FMNL2: variants seen among roughly 807,000 people sequenced by gnomAD.
FMNL2 encodes formin-like protein 2.
A neutral mutation model predicts 130.2 loss-of-function variants in FMNL2; 51 were observed. That is an observed-to-expected ratio of 0.39 (90% confidence interval 0.31 to 0.49). The LOEUF (loss-of-function observed/expected upper bound fraction) is 0.49, where lower values mean the gene tolerates loss of function less well. FMNL2 is among the 20% of genes least tolerant of loss of function. The pLI, the probability that FMNL2 is intolerant of heterozygous loss-of-function variation, is 0.85. For synonymous variants in FMNL2, 465 were observed against 467.1 expected (o/e 1.00, Z 0.06); for missense variants, 977 against 1,316.2 (o/e 0.74, Z 3.99).
At chr2:152,486,349 C>T (rs1690828478) in intron 1 of FMNL2, among the ~76,000 whole-genome samples, 1 of 152,198 alleles carries the variant, frequency 6.6e-6, no homozygotes, top group African/African-American at 2.4e-5. Context: ...ACGATTCTTT[C>T]AGGAGCTATT....
chr2:152,589,689 A>G (rs1257724677), intron 9 of FMNL2, among the ~76,000 whole-genome samples: 1 of 152,122 alleles, frequency 6.6e-6, no homozygotes, highest in Non-Finnish European at 1.5e-5. Flanking sequence ...AGCTTTGGCA[A>G]TATCACCAAC....
chr2:152,569,100 C>T (rs570889265), intron 6 of FMNL2, among the ~76,000 whole-genome samples: 2 of 117,634 alleles, frequency 1.7e-5, no homozygotes, highest in East Asian at 2.8e-4. Context: ...AGCTTCCCCC[C>T]CCGCCCCAAT....
rs893552027 is a variant in FMNL2 at position 152,335,533 on chromosome 2, G to A, written c.-71G>A. 11 of 1,312,770 alleles carry A rather than the reference G, an allele frequency of 8.4e-6. No homozygotes were observed. Among genetic ancestry groups the A allele is most frequent in the African/African-American group, 1.5e-5 (1 of 64,938 alleles). The allele number at this position is 1,312,770 out of a possible 1,614,324, so 81.3% of individuals were successfully genotyped here. Reference sequence around the variant, plus strand: ...CGCCTGCGGGCGGCAGCCGACCGCCGGGAGCTGTTCTGATTTCCGACGCGC... The same window carrying A: ...CGCCTGCGGGCGGCAGCCGACCGCCAGGAGCTGTTCTGATTTCCGACGCGC... On this transcript the variant is annotated 5_prime_UTR_variant, in exon 1 of 26. Coordinates refer to ENST00000288670, the MANE Select transcript of FMNL2 (RefSeq NM_052905.4).
intron 1 of FMNL2, among the ~76,000 whole-genome samples, chr2:152,418,884 C>T (rs1579618588): frequency 6.6e-6 from 1 of 152,042 alleles, no homozygotes; most frequent in East Asian, 1.9e-4. Flanking sequence ...AAGCATCATA[C>T]TGTTTCCACG....
intron 15 of FMNL2, among the ~76,000 whole-genome samples, 163 bp downstream of exon 15, chr2:152,619,881 C>T (rs74962091): frequency 2.6e-5 from 4 of 152,152 alleles, no homozygotes; most frequent in East Asian, 1.9e-4. Flanking sequence ...AACATCATCA[C>T]GCATGGGAGG....
At chr2:152,421,509 T>C (rs775897908) in intron 1 of FMNL2, among the ~76,000 whole-genome samples, 23 of 152,168 alleles carry the variant, frequency 1.5e-4, no homozygotes, top group Non-Finnish European at 3.2e-4. Context: ...GGGGGAAATA[T>C]AGGAGTGGCT....
At chr2:152,421,394 A>G (rs1294074652) in intron 1 of FMNL2, among the ~76,000 whole-genome samples, 1 of 152,206 alleles carries the variant, frequency 6.6e-6, no homozygotes, top group Non-Finnish European at 1.5e-5. Context: ...TTTCTGGACA[A>G]TTAATAACAT....
At chr2:152,639,134 G>A (rs982033470) in intron 23 of FMNL2, among the ~76,000 whole-genome samples, 3 of 152,118 alleles carry the variant, frequency 2.0e-5, no homozygotes, top group African/African-American at 4.8e-5. Context: ...TGCCCTATAC[G>A]TGATGAATAG....
At chr2:152,644,934 A>G (rs7576847) in intron 25 of FMNL2, among the ~76,000 whole-genome samples, 51,716 of 152,142 alleles carry the variant, frequency 0.34, 10,040 homozygotes, top group East Asian at 0.71. Context: ...ATTAGAAAAG[A>G]GACAAGGGAA....
chr2:152,624,039 C>A (rs548514917), intron 15 of FMNL2, among the ~76,000 whole-genome samples: 57 of 33,486 alleles, frequency 1.7e-3, no homozygotes, highest in African/African-American at 7.2e-3. Flanking sequence ...ACAATTCCTT[C>A]CCTTCCCTCC....
rs1462652696 is a variant in FMNL2 at position 152,617,083 on chromosome 2, T to C, written c.1213-8T>C. 1 of 1,613,584 alleles carries C rather than the reference T, an allele frequency of 6.2e-7. No individual in the cohort carries two copies. Among genetic ancestry groups the C allele is most frequent in the Non-Finnish European group, 8.5e-7 (1 of 1,179,638 alleles). ...TATTGTGACAGCTTTCTTTTCAAAA[T>C]TTTACAGTTATCTGAAAAACTGCAA... On this transcript the variant is annotated splice_region_variant and splice_polypyrimidine_tract_variant and intron_variant, in intron 12 of 25. Coordinates refer to ENST00000288670, the MANE Select transcript of FMNL2 (RefSeq NM_052905.4).
At chr2:152,440,642 G>A (rs1688002939) in intron 1 of FMNL2, among the ~76,000 whole-genome samples, 1 of 152,182 alleles carries the variant, frequency 6.6e-6, no homozygotes, top group African/African-American at 2.4e-5. Flanking sequence ...GTGAGTAACT[G>A]TGGTTAAAAA....
chr2:152,416,424 A>G (rs1442724996), intron 1 of FMNL2, among the ~76,000 whole-genome samples: 1 of 152,212 alleles, frequency 6.6e-6, no homozygotes, highest in Admixed American at 6.5e-5. Context: ...AGCTTTTATG[A>G]AGAATGAACT....
At chr2:152,432,979 C>A (rs142048964) in intron 1 of FMNL2, among the ~76,000 whole-genome samples, 1 of 152,186 alleles carries the variant, frequency 6.6e-6, no homozygotes, top group Admixed American at 6.5e-5. Context: ...CAGGCAGACC[C>A]GGGCTTGAGT....
rs1346084182 is a variant in FMNL2, at chr2:152,593,890, TGTGTGTGTGTGTGAGAGAGAGA to T, written c.876+12843_876+12864del. 1.4e-3 allele frequency among the ~76,000 whole-genome samples: 161 copies of T among 112,520 alleles called. 1 individual carries two copies. The highest frequency in any genetic ancestry group is 4.9e-3 in the African/African-American group (156 of 31,822). The allele number at this position is 112,520 out of a possible 152,430, so 73.8% of individuals were successfully genotyped here. A position where few individuals can be genotyped will look rare whatever the true frequency, so the allele number is the denominator to read the frequency against. ...GTGTGTGTGTGTGTGTGTGTGTGTGTGTGTGTGTGTGTGAGAGAGAGAGAGAGAGAGAGAGAGCGAGAGAGAG... is the reference window on the plus strand; with the variant it reads ...GTGTGTGTGTGTGTGTGTGTGTGTGTGAGAGAGAGAGAGAGCGAGAGAGAG... On this transcript the variant is annotated intron_variant, in intron 9 of 25. Coordinates refer to ENST00000288670, the MANE Select transcript of FMNL2 (RefSeq NM_052905.4).
chr2:152,636,734 G>A (rs572855353), intron 22 of FMNL2, 144 bp downstream of exon 22: 24 of 1,017,006 alleles, frequency 2.4e-5, no homozygotes, highest in Admixed American at 5.7e-5. Flanking sequence ...TATTTATTAC[G>A]GGGGGACCAT....
At chr2:152,487,400 A>G (rs145571621) in intron 1 of FMNL2, among the ~76,000 whole-genome samples, 4 of 152,350 alleles carry the variant, frequency 2.6e-5, no homozygotes, top group African/African-American at 9.6e-5. Flanking sequence ...CTTTAATTCC[A>G]TCTAAAAGAT....
chr2:152,605,097 C>T (rs1306606446), intron 9 of FMNL2, among the ~76,000 whole-genome samples: 3 of 151,878 alleles, frequency 2.0e-5, no homozygotes, highest in Non-Finnish European at 2.9e-5. Context: ...TTTCCAGGAA[C>T]TTGCTGTAGA....
rs1245406628 is a variant in FMNL2, at chr2:152,649,199, G to C, written c.*1294G>C. On this transcript the variant is annotated 3_prime_UTR_variant, in exon 26 of 26. Coordinates refer to ENST00000288670, the MANE Select transcript of FMNL2 (RefSeq NM_052905.4). ...CCTTGGTGAAGGTCCCTTTTCCTTG[G>C]ATGTGTAGTTATATGATCTTTTTAA... The C allele has an allele frequency of 6.6e-6, 1 of 152,512 alleles. No homozygotes were observed. The highest frequency in any genetic ancestry group is 1.9e-4 in the East Asian group (1 of 5,184). The allele number at this position is 152,512 out of a possible 1,614,324, so 9.4% of individuals were successfully genotyped here. A position where few individuals can be genotyped will look rare whatever the true frequency, so the allele number is the denominator to read the frequency against.
Sources: allele counts gnomAD v4.1 joint callset (sites outside exome capture counted in the v4.1 genomes callset), GRCh38; gene constraint gnomAD v4.1.1; transcripts MANE v1.5; gene names NCBI Gene and HGNC (gene_info 2026-07-23, HGNC 2026-07-21).